Variants in RSPH14 observed in about 807,000 individuals in gnomAD.
RSPH14 encodes the protein rhabdoid tumor deletion region gene 1.
RSPH14 carries 20 observed loss-of-function variants against 26.7 expected under a neutral mutation model. The observed-to-expected ratio is 0.75, with a 90% CI of 0.53 to 1.09. The LOEUF (loss-of-function observed/expected upper bound fraction) is 1.09. Among genes scored for constraint, RSPH14 ranks in the 50% least tolerant of loss-of-function variants. RSPH14 has a pLI of 0.00. For synonymous variants in RSPH14, 177 were observed against 189.3 expected (o/e 0.93, Z 0.53); for missense variants, 449 against 457.2 (o/e 0.98, Z 0.16).
the RSPH14 span, chr22:23,162,161 C>A: frequency 5.8e-6 from 1 of 172,304 alleles, no homozygotes; most frequent in Non-Finnish European, 1.2e-5. Context: ...CTGGGCAGAC[C>A]AGCACCTCTG....
At chr22:23,084,698 T>C (rs1466643003) in intron 4 of RSPH14, among the ~76,000 whole-genome samples, 1 of 152,210 alleles carries the variant, frequency 6.6e-6, no homozygotes, top group Non-Finnish European at 1.5e-5. Context: ...CCTTGAGAGC[T>C]GCAGCCCCGC....
At chr22:23,145,199 T>A (rs912494549), upstream of RSPH14, 1 of 661,024 alleles carries the variant, frequency 1.5e-6, no homozygotes, top group Non-Finnish European at 2.6e-6. Flanking sequence ...CTCTCCACGG[T>A]CAGCCCCACC....
chr22:23,061,801 C>G lies in RSPH14; in HGVS notation c.790+8G>C. 1 of 1,613,852 alleles carries G rather than the reference C, an allele frequency of 6.2e-7. No homozygotes were observed. The highest frequency in any genetic ancestry group is 1.1e-5 in the South Asian group (1 of 91,080). On this transcript the variant is annotated splice_region_variant and intron_variant, in intron 6 of 6. Transcript: ENST00000216036. Reference sequence around the variant, plus strand: ...TCTCCCTCCCTGCGGCACCCCCCACCGCCTCACCTTCAGTGATCACTGTGG... The same window carrying G: ...TCTCCCTCCCTGCGGCACCCCCCACGGCCTCACCTTCAGTGATCACTGTGG...
intron 2 of RSPH14, 129 bp from the exon 3 acceptor site, chr22:23,139,071 G>C (rs1286416973): frequency 1.5e-6 from 1 of 665,576 alleles, no homozygotes; most frequent in Non-Finnish European, 2.6e-6. Flanking sequence ...CTGCTTTGGG[G>C]CACTGGGGAA....
At chr22:23,062,161 C>T (rs545316682) in intron 5 of RSPH14, among the ~76,000 whole-genome samples, 7 of 152,278 alleles carry the variant, frequency 4.6e-5, no homozygotes, top group South Asian at 2.1e-4. Context: ...GTGAAGACCA[C>T]GGGGTGACAG....
chr22:23,158,065 C>T, the RSPH14 span: 1 of 1,613,756 alleles, frequency 6.2e-7, no homozygotes, highest in Non-Finnish European at 8.5e-7. Context: ...CTCTCTGGCC[C>T]CTGCAGTCTC....
At chr22:23,105,714 C>T (rs1386044430) in intron 4 of RSPH14, among the ~76,000 whole-genome samples, 1 of 152,224 alleles carries the variant, frequency 6.6e-6, no homozygotes, top group Non-Finnish European at 1.5e-5. Flanking sequence ...TTCCAATCTA[C>T]AACACACCTG....
At chr22:23,173,643 T>G in the RSPH14 span, among the ~76,000 whole-genome samples, 3 of 150,152 alleles carry the variant, frequency 2.0e-5, no homozygotes, top group Admixed American at 6.6e-5. Flanking sequence ...TTTGTTTTTT[T>G]TTTTTAGAGA....
At chr22:23,100,861 C>T (rs2069282456) in intron 4 of RSPH14, among the ~76,000 whole-genome samples, 1 of 152,196 alleles carries the variant, frequency 6.6e-6, no homozygotes, top group South Asian at 2.1e-4. Context: ...GTATGCAGTA[C>T]CCTGAGGAGG....
At chr22:23,110,738 C>G (rs558094515) in intron 4 of RSPH14, among the ~76,000 whole-genome samples, 1 of 152,206 alleles carries the variant, frequency 6.6e-6, no homozygotes, top group Non-Finnish European at 1.5e-5. Flanking sequence ...AACAGCAGTG[C>G]GTCTGCAGAG....
At chr22:23,124,190 AT>A (rs67228409) in intron 4 of RSPH14, 163 of 141,404 alleles carry the variant, frequency 1.2e-3, no homozygotes, top group Middle Eastern at 8.1e-3. Context: ...CTTCTCTGAC[AT>A]TTTTTTTTTG....
chr22:23,085,751 G>C (rs560084569), intron 4 of RSPH14, among the ~76,000 whole-genome samples: 30 of 152,200 alleles, frequency 2.0e-4, no homozygotes, highest in South Asian at 6.2e-4. Context: ...TACCCCACTT[G>C]TGTCCCCAGG....
At chr22:23,123,772 T>C (rs905844179) in intron 4 of RSPH14, 4 of 303,966 alleles carry the variant, frequency 1.3e-5, no homozygotes, top group Admixed American at 4.5e-5. Context: ...CCCACTCCAC[T>C]TGGGGGTCTG....
At chr22:23,097,385 C>T (rs2069156178) in intron 4 of RSPH14, among the ~76,000 whole-genome samples, 1 of 152,224 alleles carries the variant, frequency 6.6e-6, no homozygotes, top group African/African-American at 2.4e-5. Context: ...GTGCCCCAGC[C>T]AGGGAACCTG....
chr22:23,120,907 A>G (rs2070006161), intron 4 of RSPH14, among the ~76,000 whole-genome samples: 1 of 152,224 alleles, frequency 6.6e-6, no homozygotes, highest in Non-Finnish European at 1.5e-5. Flanking sequence ...TCTGTTATTT[A>G]ACTGATGCAA....
Position 23,079,731 on chromosome 22 carries a change from G to A in RSPH14, c.422-15598C>T, listed in dbSNP as rs139486032. On this transcript the variant is annotated intron_variant, in intron 4 of 6. Coordinates refer to ENST00000216036, the MANE Select transcript of RSPH14 (RefSeq NM_014433.3). ...AGATGAGAGGCTGGGGCTGGCTAGC[G>A]GGAGTGAGTGGTAGAATTCTGGACA... Among the ~76,000 whole-genome samples, 23 of 152,252 alleles carry A rather than the reference G, an allele frequency of 1.5e-4. No individual in the cohort carries two copies. In the East Asian group the frequency reaches 2.5e-3, roughly 17 times the overall value.
At chr22:23,070,160 C>T (rs2068307185) in intron 4 of RSPH14, among the ~76,000 whole-genome samples, 2 of 151,984 alleles carry the variant, frequency 1.3e-5, no homozygotes, top group South Asian at 2.1e-4. Flanking sequence ...CATTGGGCTA[C>T]TGGCCCGTCC....
chr22:23,120,439 G>C (rs1051545982), intron 4 of RSPH14, among the ~76,000 whole-genome samples: 5 of 152,188 alleles, frequency 3.3e-5, no homozygotes, highest in Non-Finnish European at 5.9e-5. Flanking sequence ...CCCTGCAGAG[G>C]ACCAGTCTGG....
At chr22:23,155,579 G>A in the RSPH14 span, among the ~76,000 whole-genome samples, 12 of 152,304 alleles carry the variant, frequency 7.9e-5, no homozygotes, top group African/African-American at 2.2e-4. Flanking sequence ...TGGAGGCCCC[G>A]CCTGGAGCCC....
Sources: allele counts gnomAD v4.1 joint callset (sites outside exome capture counted in the v4.1 genomes callset), GRCh38; gene constraint gnomAD v4.1.1; transcripts MANE v1.5; gene names NCBI Gene and HGNC (gene_info 2026-07-23, HGNC 2026-07-21).